Variants in BUD31 observed in about 807,000 individuals in gnomAD.
The protein encoded by BUD31 is BUD31 spliceosome associated protein.
BUD31 carries 9 observed loss-of-function variants against 17.9 expected under a neutral mutation model. The ratio of observed to expected loss-of-function variants is 0.50; its 90% confidence interval spans 0.30 to 0.88. The LOEUF (loss-of-function observed/expected upper bound fraction) is 0.88, where lower values mean the gene tolerates loss of function less well. Ranked by LOEUF, BUD31 falls within the 40% of genes least tolerant of loss-of-function variation. BUD31 has a pLI of 0.06. For missense variants in BUD31, 148 were observed against 184.5 expected (o/e 0.80, Z 1.15); for synonymous variants, 70 against 64.7 (o/e 1.08, Z -0.39).
At chr7:99,414,657 T>C (rs1795316430) in intron 3 of BUD31, among the ~76,000 whole-genome samples, 1 of 152,110 alleles carries the variant, frequency 6.6e-6, no homozygotes, top group Non-Finnish European at 1.5e-5. Context: ...AGTGCAGTGG[T>C]GTGATCTCAG....
At chr7:99,417,213 C>T (rs1279393963) in intron 4 of BUD31, 2 of 458,182 alleles carry the variant, frequency 4.4e-6, no homozygotes, top group African/African-American at 4.0e-5. Flanking sequence ...CTACCACGCC[C>T]GAGTAATTTT....
intron 2 of BUD31, 150 bp downstream of exon 2, chr7:99,410,319 A>G (rs1363087553): frequency 1.3e-5 from 2 of 150,816 alleles, no homozygotes; most frequent in Non-Finnish European, 2.9e-5. Flanking sequence ...CCTGGGCTCA[A>G]GTGATCCTCT....
chr7:99,412,767 A>G (rs1584432135), intron 3 of BUD31, among the ~76,000 whole-genome samples: 1 of 147,540 alleles, frequency 6.8e-6, no homozygotes, highest in Non-Finnish European at 1.5e-5. Flanking sequence ...GCCCGCCACC[A>G]TGCCCAGCTA....
chr7:99,414,687 C>T (rs763735412), intron 3 of BUD31, among the ~76,000 whole-genome samples: 4 of 152,098 alleles, frequency 2.6e-5, no homozygotes, highest in Non-Finnish European at 4.4e-5. Context: ...TCCTCCGCCT[C>T]TGGGTTCAAA....
At chr7:99,417,774 G>A in intron 5 of BUD31, 179 bp downstream of exon 5, 1 of 1,531,552 alleles carries the variant, frequency 6.5e-7, no homozygotes, top group Non-Finnish European at 8.7e-7. Flanking sequence ...GGCAGCGTGT[G>A]GCTGTGTGTT....
intron 4 of BUD31, 40 bp downstream of exon 4, chr7:99,416,300 A>T: frequency 6.3e-7 from 1 of 1,596,002 alleles, no homozygotes; most frequent in Non-Finnish European, 8.6e-7. Context: ...AGCTCGCGTC[A>T]CTTTTGGAGT....
intron 5 of BUD31, chr7:99,419,120 G>C: frequency 1.9e-6 from 1 of 522,768 alleles, no homozygotes; most frequent in South Asian, 2.1e-5. Context: ...CATTCACACC[G>C]ATTTCTTTTT....
chr7:99,411,060 C>T lies in BUD31; in HGVS notation c.-29-4C>T, dbSNP rs1465823267. The T allele has an allele frequency of 6.3e-7, 1 of 1,583,594 alleles. No individual in the cohort carries two copies. The highest frequency in any genetic ancestry group is 1.7e-5 in the Admixed American group (1 of 58,854). ...TCAGAAACCAATTCATTTTTTTCCC[C>T]CAGATCTTTGCAGATTATCCTGTGG... On this transcript the variant is annotated splice_region_variant and splice_polypyrimidine_tract_variant and intron_variant, in intron 2 of 5. Coordinates refer to ENST00000222969, the MANE Select transcript of BUD31 (RefSeq NM_003910.4).
rs1268624368 is a variant in BUD31, at chr7:99,419,592, A to G, written c.*151A>G. 7.6e-6 allele frequency: 7 copies of G among 926,514 alleles called. No individual in the cohort carries two copies. The highest frequency in any genetic ancestry group is 8.1e-6 in the Non-Finnish European group (5 of 616,036). The allele number at this position is 926,514 out of a possible 1,614,324, so 57.4% of individuals were successfully genotyped here. On this transcript the variant is annotated 3_prime_UTR_variant, in exon 6 of 6. Coordinates refer to ENST00000222969, the MANE Select transcript of BUD31 (RefSeq NM_003910.4). ...CGCTGTCTATCAGCTGTGATTTGTA[A>G]AAATAAAATCTTTAAATCTCTCGAG...
At chr7:99,409,778 G>GGTGGGGGGGGGGGGGGGGGGGA (rs1208351439) in intron 1 of BUD31, among the ~76,000 whole-genome samples, 1 of 115,016 alleles carries the variant, frequency 8.7e-6, no homozygotes, top group Admixed American at 9.9e-5. Context: ...GCGGGGGGGG[G>GGTGGGGGGGGGGGGGGGGGGGA]GTGGGTCTTT....
At chr7:99,414,658 G>A (rs898530307) in intron 3 of BUD31, among the ~76,000 whole-genome samples, 1 of 151,966 alleles carries the variant, frequency 6.6e-6, no homozygotes, top group Non-Finnish European at 1.5e-5. Flanking sequence ...GTGCAGTGGT[G>A]TGATCTCAGC....
chr7:99,419,276 G>A, intron 5 of BUD31, 115 bp from the exon 6 acceptor site: 1 of 1,295,698 alleles, frequency 7.7e-7, no homozygotes, highest in South Asian at 1.2e-5. Context: ...GGTTTCTGAG[G>A]TGTGTCCCTA....
In BUD31 at chr7:99,419,533, C is replaced by A; in HGVS notation, c.*92C>A. 6.8e-7 allele frequency: 1 copy of A among 1,462,764 alleles called. No individual in the cohort carries two copies. Among genetic ancestry groups the A allele is most frequent in the African/African-American group, 1.4e-5 (1 of 71,850 alleles). 90.6% of individuals were successfully genotyped at this position (1,462,764 alleles called of 1,614,324 possible). On this transcript the variant is annotated 3_prime_UTR_variant, in exon 6 of 6. Coordinates refer to ENST00000222969, the MANE Select transcript of BUD31 (RefSeq NM_003910.4). Reference sequence around the variant, plus strand: ...GGGAGCAGCGAGCAGTGCCCCAGGCCCGAGTTGGAGCACGGTCTCTATGGG... The same window carrying A: ...GGGAGCAGCGAGCAGTGCCCCAGGCACGAGTTGGAGCACGGTCTCTATGGG...
rs1795596683 is a variant in BUD31 at position 99,417,930 on chromosome 7, T to A, written c.384+335T>A. 1.6e-5 allele frequency: 20 copies of A among 1,271,710 alleles called. 1 individual carries two copies. In the South Asian group the frequency reaches 2.8e-4, roughly 18 times the overall value. The allele number at this position is 1,271,710 out of a possible 1,614,324, so 78.8% of individuals were successfully genotyped here. A position where few individuals can be genotyped will look rare whatever the true frequency, so the allele number is the denominator to read the frequency against. Reference sequence around the variant, plus strand: ...AGGACAACCAGTGAGTTCCTGTCCCTTTCAGTCCTCACAGTGATACTTTAA... The same window carrying A: ...AGGACAACCAGTGAGTTCCTGTCCCATTCAGTCCTCACAGTGATACTTTAA... On this transcript the variant is annotated intron_variant, in intron 5 of 5. Transcript: ENST00000222969.
chr7:99,417,513 G>C lies in BUD31; in HGVS notation c.302G>C (p.Cys101Ser). The change falls in exon 5 of 6, where the codon TGC becomes TCC. Residue 101 changes from cysteine to serine, a missense_variant. Coordinates refer to ENST00000222969, the MANE Select transcript of BUD31 (RefSeq NM_003910.4). ...KWKKQGYENLCCLRCIQTRDT... is the reference protein window; with the variant it reads ...KWKKQGYENLSCLRCIQTRDT... ...AAAAAGCAAGGATATGAGAACTTGT[G>C]CTGCCTGCGGTGCATTCAGACACGG... is the stretch of plus-strand genomic sequence containing the variant. The C allele has an allele frequency of 6.2e-7, 1 of 1,611,586 alleles. No homozygotes were observed. Among genetic ancestry groups the C allele is most frequent in the Non-Finnish European group, 8.5e-7 (1 of 1,178,260 alleles).
intron 4 of BUD31, chr7:99,416,839 A>G (rs566639188): frequency 6.9e-4 from 108 of 157,498 alleles, no homozygotes; most frequent in South Asian, 6.8e-3. Context: ...TCTCACCTCA[A>G]CCTCCTGAGT....
rs1431399067 is a variant in BUD31 at position 99,417,454 on chromosome 7, A to C, written c.243A>C (p.Glu81Asp). The C allele has an allele frequency of 6.2e-7, 1 of 1,613,558 alleles. No homozygotes were observed. Among genetic ancestry groups the C allele is most frequent in the African/African-American group, 1.3e-5 (1 of 74,900 alleles). ...AACTCTATGAATATTGTATTAAAGA[A>C]GGCTATGCAGACAAAAACCTGATTG... ...SRELYEYCIK[E>D]GYADKNLIAK... Residue 81 changes from glutamate (E) to aspartate (D), a missense_variant, in exon 5 of 6, where the codon GAA becomes GAC. Physicochemically the swap from Glu to Asp is conservative, Grantham distance 45 (BLOSUM62 2). Transcript: ENST00000222969.
At chr7:99,413,008 G>A (rs1021297525) in intron 3 of BUD31, among the ~76,000 whole-genome samples, 4 of 152,046 alleles carry the variant, frequency 2.6e-5, no homozygotes, top group Admixed American at 6.6e-5. Context: ...GGCAATTTAC[G>A]AAAGAACGAG....
At chr7:99,416,794 C>T (rs1462317429) in intron 4 of BUD31, 1 of 150,384 alleles carries the variant, frequency 6.6e-6, no homozygotes, top group Non-Finnish European at 1.4e-5. Flanking sequence ...AATGATGGCT[C>T]ACTGCAGCCT....
Sources: gnomAD v4.1 joint callset for allele counts (sites outside exome capture counted in the v4.1 genomes callset) on GRCh38, gnomAD v4.1.1 for gene constraint, MANE v1.5 for transcripts, NCBI Gene and HGNC (gene_info 2026-07-23, HGNC 2026-07-21) for gene names.